The following CEP112 variants were observed in gnomAD, a reference collection of about 807,000 sequenced individuals.
CEP112 encodes centrosomal protein 112, also known as centrosomal protein of 112 kDa.
A neutral mutation model predicts 153.0 loss-of-function variants in CEP112; 127 were observed. That is an observed-to-expected ratio of 0.83 (90% CI 0.72 to 0.96). The LOEUF (loss-of-function observed/expected upper bound fraction) is 0.96. CEP112 is among the 40% of genes least tolerant of loss of function. The pLI is 0.00. For missense variants in CEP112, 1,089 were observed against 1,101.2 expected (o/e 0.99, Z 0.16); for synonymous variants, 358 against 374.4 (o/e 0.96, Z 0.51).
intron 16 of CEP112, among the ~76,000 whole-genome samples, chr17:66,020,683 C>A (rs1244077402): frequency 6.6e-6 from 1 of 152,116 alleles, no homozygotes; most frequent in Non-Finnish European, 1.5e-5. Flanking sequence ...AGTAGATTGA[C>A]TTGATAAATG....
chr17:65,790,136 C>T (rs1279414525), intron 21 of CEP112, among the ~76,000 whole-genome samples: 1 of 152,140 alleles, frequency 6.6e-6, no homozygotes, highest in Non-Finnish European at 1.5e-5. Flanking sequence ...TTTGAGAATG[C>T]AGTATGGGAC....
intron 20 of CEP112, among the ~76,000 whole-genome samples, chr17:65,856,920 G>T (rs1008581648): frequency 2.0e-5 from 3 of 152,008 alleles, no homozygotes; most frequent in Non-Finnish European, 4.4e-5. Context: ...ATATTTAGTG[G>T]CTCCCTAGTA....
intron 4 of CEP112, among the ~76,000 whole-genome samples, chr17:66,157,306 T>A (rs1021160055): frequency 1.3e-5 from 2 of 152,034 alleles, no homozygotes; most frequent in African/African-American, 4.8e-5. Flanking sequence ...AGAAATAAAA[T>A]CCTTTACAGA....
chr17:65,716,566 A>C (rs1208524935), intron 23 of CEP112, among the ~76,000 whole-genome samples: 2 of 152,086 alleles, frequency 1.3e-5, no homozygotes, highest in Non-Finnish European at 2.9e-5. Context: ...TTAGGGAAAG[A>C]CCTGAATCTG....
chr17:65,706,918 C>T (rs1368059488), intron 23 of CEP112, among the ~76,000 whole-genome samples: 1 of 152,218 alleles, frequency 6.6e-6, no homozygotes, highest in African/African-American at 2.4e-5. Context: ...CACTACCACC[C>T]ACATGATCTA....
chr17:65,839,958 A>G (rs891101165), intron 21 of CEP112, among the ~76,000 whole-genome samples: 2 of 152,072 alleles, frequency 1.3e-5, no homozygotes, highest in Non-Finnish European at 2.9e-5. Context: ...AATTTAACCA[A>G]AAGTAGTAAA....
At chr17:65,682,708 C>G (rs992325155) in intron 24 of CEP112, among the ~76,000 whole-genome samples, 2 of 152,088 alleles carry the variant, frequency 1.3e-5, no homozygotes, top group Non-Finnish European at 2.9e-5. Context: ...TTCCTCTTCA[C>G]TGATATCACA....
intron 11 of CEP112, among the ~76,000 whole-genome samples, chr17:66,058,259 T>G (rs916048653): frequency 2.0e-5 from 3 of 152,046 alleles, no homozygotes; most frequent in Non-Finnish European, 4.4e-5. Flanking sequence ...CTAGAATATA[T>G]GAAATTAGGG....
rs150697323 is a variant in CEP112, at chr17:65,646,271, T to C, written c.2698-5206A>G. Among the ~76,000 whole-genome samples, 40 of 152,354 alleles carry C rather than the reference T, an allele frequency of 2.6e-4. No homozygotes were observed. The East Asian group carries it at 7.5e-3, about 29-fold the overall frequency. On this transcript the variant is annotated intron_variant, in intron 24 of 26. Coordinates refer to ENST00000535342, the MANE Select transcript of CEP112 (RefSeq NM_001199165.4). ...TTTATACTTCCTGTCTACTCCTTTA[T>C]TCTTAGTTTTTGTGATTTTAGTGAG... is the stretch of plus-strand genomic sequence containing the variant.
chr17:65,826,205 T>G (rs374112500), intron 21 of CEP112: 1 of 1,614,236 alleles, frequency 6.2e-7, no homozygotes, highest in East Asian at 2.2e-5. Flanking sequence ...CTGCTCTGTC[T>G]TGGGGACATT....
intron 12 of CEP112, among the ~76,000 whole-genome samples, chr17:66,034,991 TAC>T (rs763140894): frequency 0.52 from 25,972 of 50,072 alleles, 5,642 homozygotes; most frequent in Admixed American, 0.57. Context: ...TATATATATA[TAC>T]ATATATATAT....
At chr17:66,181,916 A>C (rs539682172) in intron 2 of CEP112, 1 of 152,386 alleles carries the variant, frequency 6.6e-6, no homozygotes, top group Admixed American at 6.5e-5. Flanking sequence ...GACAAGGTCA[A>C]GAGCAGAAGG....
At chr17:65,999,437 G>C (rs1407853571) in intron 17 of CEP112, among the ~76,000 whole-genome samples, 1 of 151,982 alleles carries the variant, frequency 6.6e-6, no homozygotes, top group Non-Finnish European at 1.5e-5. Flanking sequence ...TCCTGACCTC[G>C]TGATTTGCCC....
At chr17:65,893,807 A>G (rs1270783295) in intron 20 of CEP112, among the ~76,000 whole-genome samples, 1 of 152,114 alleles carries the variant, frequency 6.6e-6, no homozygotes, top group East Asian at 1.9e-4. Context: ...AAAAAAGCTC[A>G]GGTGTTAAAT....
intron 22 of CEP112, among the ~76,000 whole-genome samples, chr17:65,747,393 C>T (rs1472708879): frequency 3.9e-5 from 6 of 152,258 alleles, no homozygotes; most frequent in Middle Eastern, 3.4e-3. Context: ...AGGAGACACT[C>T]GTCCCTTGGC....
rs555887369 is a variant in CEP112, at chr17:65,807,031, G to T, written c.2394+44773C>A. On this transcript the variant is annotated intron_variant, in intron 21 of 26. Coordinates refer to ENST00000535342, the MANE Select transcript of CEP112 (RefSeq NM_001199165.4). ...GGAACCTCATAGAGATTTGTTAAATGGTTTGACCAAAATGGTGACAGTGAT... is the reference window on the plus strand; with the variant it reads ...GGAACCTCATAGAGATTTGTTAAATTGTTTGACCAAAATGGTGACAGTGAT... Among the ~76,000 whole-genome samples, 17 of 152,282 alleles carry T rather than the reference G, an allele frequency of 1.1e-4. 1 individual carries two copies. In the South Asian group the frequency reaches 3.5e-3, roughly 32 times the overall value.
chr17:66,127,063 A>G (rs886100585), intron 6 of CEP112, among the ~76,000 whole-genome samples: 12 of 152,344 alleles, frequency 7.9e-5, no homozygotes, highest in African/African-American at 2.9e-4. Context: ...ATATATAAAA[A>G]TGCAAGACTT....
chr17:65,964,190 T>C (rs1174856344), intron 17 of CEP112, among the ~76,000 whole-genome samples: 2 of 152,254 alleles, frequency 1.3e-5, no homozygotes, highest in African/African-American at 4.8e-5. Flanking sequence ...TTCTTACATG[T>C]TGTTAAAGCA....
intron 21 of CEP112, among the ~76,000 whole-genome samples, chr17:65,846,780 A>G (rs960669266): frequency 6.6e-6 from 1 of 152,142 alleles, no homozygotes; most frequent in East Asian, 1.9e-4. Context: ...CGTGTTAGCC[A>G]GGATGGTCTC....
Sources: allele counts gnomAD v4.1 joint callset (sites outside exome capture counted in the v4.1 genomes callset), GRCh38; gene constraint gnomAD v4.1.1; transcripts MANE v1.5; gene names NCBI Gene and HGNC (gene_info 2026-07-23, HGNC 2026-07-21).